The following ARHGEF37 variants were observed in gnomAD, a reference collection of about 807,000 sequenced individuals.
ARHGEF37 encodes Rho guanine nucleotide exchange factor 37, also known as Rho guanine nucleotide exchange factor (GEF) 37.
In ARHGEF37, 55 loss-of-function variants were observed where a neutral mutation model predicts 71.1. The observed-to-expected ratio is 0.77, with a 90% CI of 0.62 to 0.97. The LOEUF is 0.97. Ranked by LOEUF, ARHGEF37 falls within the 50% of genes least tolerant of loss-of-function variation. ARHGEF37 has a pLI of 0.00. For synonymous variants in ARHGEF37, 327 were observed against 350.6 expected (o/e 0.93, Z 0.75); for missense variants, 765 against 836.8 (o/e 0.91, Z 1.06).
chr5:149,553,397 C>G (rs1299335203), intron 1 of ARHGEF37, among the ~76,000 whole-genome samples: 1 of 151,740 alleles, frequency 6.6e-6, no homozygotes, highest in Non-Finnish European at 1.5e-5. Flanking sequence ...AGACTCCACT[C>G]CATCTAAAAA....
In ARHGEF37 at chr5:149,618,309, G is replaced by A; in HGVS notation, c.789+3G>A. On this transcript the variant is annotated splice_donor_region_variant and intron_variant, in intron 6 of 12. Coordinates refer to ENST00000333677, the MANE Select transcript of ARHGEF37 (RefSeq NM_001001669.3). ...AGGAGGCGGGGCTGATCCCCAGGGT[G>A]AGCGTGCGCCTGGGAGGAAGAGTCA... 1 of 1,614,094 alleles carries A rather than the reference G, an allele frequency of 6.2e-7. No homozygotes were observed. Among genetic ancestry groups the A allele is most frequent in the Non-Finnish European group, 8.5e-7 (1 of 1,179,996 alleles).
chr5:149,565,653 C>T (rs1009976794), intron 1 of ARHGEF37, among the ~76,000 whole-genome samples: 4 of 152,088 alleles, frequency 2.6e-5, no homozygotes, highest in Admixed American at 2.0e-4. Flanking sequence ...CCAGTCACTG[C>T]ACTAAGTGCC....
intron 2 of ARHGEF37, among the ~76,000 whole-genome samples, chr5:149,599,383 A>C (rs1007244158): frequency 1.6e-4 from 24 of 149,146 alleles, no homozygotes; most frequent in African/African-American, 5.7e-4. Context: ...AGGCAGGGGA[A>C]CCCAAAAGGC....
At chr5:149,598,796 ATAGATATATATATG>A (rs1367039568) in intron 2 of ARHGEF37, among the ~76,000 whole-genome samples, 32 of 136,794 alleles carry the variant, frequency 2.3e-4, no homozygotes, top group South Asian at 2.2e-3. Flanking sequence ...ATATAGATAT[ATAGATATATATATG>A]TGTGTGTGTG....
In ARHGEF37 at chr5:149,565,829, ATTTTTTTTTTTTTTTTTTTTT is replaced by A. The variant is rs201683478; in HGVS notation, c.-12+13721_-12+13741del. Among the ~76,000 whole-genome samples, 98 of 84,528 alleles carry A rather than the reference ATTTTTTTTTTTTTTTTTTTTT, an allele frequency of 1.2e-3. 2 individuals are homozygous for A. The highest frequency in any genetic ancestry group is 5.6e-3 in the Admixed American group (33 of 5,918). The allele number at this position is 84,528 out of a possible 152,430, so 55.5% of individuals were successfully genotyped here. A position where few individuals can be genotyped will look rare whatever the true frequency, so the allele number is the denominator to read the frequency against. On this transcript the variant is annotated intron_variant, in intron 1 of 2. Coordinates refer to the ARHGEF37 transcript ENST00000505810. ...TAGCTTTGTAATGTCAGAAACTCTA[ATTTTTTTTTTTTTTTTTTTTT>A]TTTTTTTTTTTTTTGTGAGACAGAG...
In ARHGEF37 at chr5:149,628,794, C is replaced by G. The variant is rs780816049; in HGVS notation, c.1661-15C>G. The G allele has an allele frequency of 6.2e-7, 1 of 1,607,810 alleles. No homozygotes were observed. The highest frequency in any genetic ancestry group is 1.1e-5 in the South Asian group (1 of 90,072). ...AGGTGGCCCGCAGCCTGCTAACCTT[C>G]TGCATGCTCCCTAGGACATCGTGGG... On this transcript the variant is annotated splice_polypyrimidine_tract_variant and intron_variant, in intron 11 of 12. Coordinates refer to ENST00000333677, the MANE Select transcript of ARHGEF37 (RefSeq NM_001001669.3).
chr5:149,603,872 G>C (rs187421912), intron 3 of ARHGEF37, among the ~76,000 whole-genome samples: 1 of 152,206 alleles, frequency 6.6e-6, no homozygotes, highest in Non-Finnish European at 1.5e-5. Flanking sequence ...GGAGGCGGAG[G>C]TTGCAGGGAG....
chr5:149,595,175 CGTTTGTTT>C, intron 1 of ARHGEF37, among the ~76,000 whole-genome samples: 1 of 152,070 alleles, frequency 6.6e-6, no homozygotes, highest in South Asian at 2.1e-4. Flanking sequence ...TTTGTTTGTT[CGTTTGTTT>C]GTTTGTTGTT....
chr5:149,558,568 C>T (rs1762783491), intron 1 of ARHGEF37, among the ~76,000 whole-genome samples: 1 of 151,982 alleles, frequency 6.6e-6, no homozygotes, highest in African/African-American at 2.4e-5. Flanking sequence ...ATTGTTCTGA[C>T]TGGTCTTGAA....
intron 5 of ARHGEF37, 144 bp downstream of exon 5, chr5:149,616,910 G>T (rs891421006): frequency 1.2e-5 from 10 of 829,976 alleles, no homozygotes; most frequent in Middle Eastern, 2.9e-4. Flanking sequence ...TTTAGGTAGG[G>T]TTCGATCAGG....
intron 11 of ARHGEF37, among the ~76,000 whole-genome samples, chr5:149,628,596 G>A (rs931559704): frequency 1.3e-5 from 2 of 152,190 alleles, no homozygotes; most frequent in African/African-American, 4.8e-5. Context: ...TCGTCTGTCC[G>A]GTAGGGAATG....
At chr5:149,595,118 G>GT (rs1763508194) in intron 1 of ARHGEF37, among the ~76,000 whole-genome samples, 1 of 152,172 alleles carries the variant, frequency 6.6e-6, no homozygotes, top group Non-Finnish European at 1.5e-5. Flanking sequence ...GGGATGTTGT[G>GT]TAACAATTGT....
intron 1 of ARHGEF37, among the ~76,000 whole-genome samples, chr5:149,564,739 G>A (rs1464028289): frequency 1.3e-5 from 2 of 152,082 alleles, no homozygotes; most frequent in East Asian, 1.9e-4. Context: ...CAGGAGAATC[G>A]CCTGAACCCA....
chr5:149,632,139 TC>T lies in ARHGEF37; in HGVS notation c.1977del (p.Leu660TrpfsTer57). 6.2e-7 allele frequency: 1 copy of T among 1,614,256 alleles called. No individual in the cohort carries two copies. Among genetic ancestry groups the T allele is most frequent in the Non-Finnish European group, 8.5e-7 (1 of 1,180,048 alleles). ...NGQRGYVPSGFLARARSPVLW... is the reference protein window; with the variant it reads ...NGQRGYVPSGXLARARSPVLW... The stretch of plus-strand genomic sequence containing the variant: ...CAGAGGGGTTATGTGCCTTCTGGCT[TC>T]TTGGCCAGGGCTCGGAGCCCAGTTC... On this transcript the variant is annotated frameshift_variant, in exon 13 of 13. Coordinates refer to ENST00000333677, the MANE Select transcript of ARHGEF37 (RefSeq NM_001001669.3). LOFTEE classifies it high-confidence loss of function.
At chr5:149,616,499 T>C in intron 4 of ARHGEF37, 68 bp from the exon 5 acceptor site, 1 of 1,478,460 alleles carries the variant, frequency 6.8e-7, no homozygotes, top group Non-Finnish European at 9.2e-7. Context: ...GAGTGAGGAC[T>C]ACAGCCCAGG....
At chr5:149,558,689 A>ATGTGTG (rs1201818057) in intron 1 of ARHGEF37, among the ~76,000 whole-genome samples, 1 of 52,650 alleles carries the variant, frequency 1.9e-5, no homozygotes, top group Non-Finnish European at 3.5e-5. Context: ...AACCATATAT[A>ATGTGTG]TATGTGTGTG....
chr5:149,605,421 G>C (rs1763888840), intron 3 of ARHGEF37, among the ~76,000 whole-genome samples: 1 of 151,996 alleles, frequency 6.6e-6, no homozygotes, highest in South Asian at 2.1e-4. Context: ...CATTACTTTT[G>C]TTTTGTATGA....
chr5:149,593,481 T>A lies in ARHGEF37; in HGVS notation c.-11-4278T>A, dbSNP rs111857021. ...GCATAATGTTTTTAAGATTCATTCATGTTGTAGAACATATGAATACAGTTG... is the reference window on the plus strand; with the variant it reads ...GCATAATGTTTTTAAGATTCATTCAAGTTGTAGAACATATGAATACAGTTG... On this transcript the variant is annotated intron_variant, in intron 1 of 12. Transcript: ENST00000333677. 5.2e-3 allele frequency among the ~76,000 whole-genome samples: 785 copies of A among 152,350 alleles called. 8 individuals are homozygous for A. Among genetic ancestry groups the A allele is most frequent in the African/African-American group, 0.012 (479 of 41,578 alleles).
At chr5:149,615,225 G>A (rs1238962669) in intron 4 of ARHGEF37, among the ~76,000 whole-genome samples, 1 of 151,882 alleles carries the variant, frequency 6.6e-6, no homozygotes, top group Non-Finnish European at 1.5e-5. Flanking sequence ...CATGATCATA[G>A]CTCAGTGTAT....
Sources: gnomAD v4.1 joint callset for allele counts (sites outside exome capture counted in the v4.1 genomes callset) on GRCh38, gnomAD v4.1.1 for gene constraint, MANE v1.5 for transcripts, NCBI Gene and HGNC (gene_info 2026-07-23, HGNC 2026-07-21) for gene names.